The following TRDN variants were observed in gnomAD, a reference collection of about 807,000 sequenced individuals.
TRDN encodes the protein triadin, also known as triadin in skeletal muscle.
TRDN carries 161 observed loss-of-function variants against 149.7 expected under a neutral mutation model. The observed-to-expected ratio is 1.08, with a 90% CI of 0.95 to 1.23. The LOEUF (loss-of-function observed/expected upper bound fraction) is 1.23, where lower values mean the gene tolerates loss of function less well. Among genes scored for constraint, TRDN ranks in the 50% most tolerant of loss-of-function variants. The probability of loss-of-function intolerance (pLI) is 0.00; values close to 1 mark genes in which losing one functional copy is unlikely to be tolerated. For synonymous variants in TRDN, 294 were observed against 250.5 expected (o/e 1.17, Z -1.64); for missense variants, 896 against 823.5 (o/e 1.09, Z -1.08).
intron 21 of TRDN, among the ~76,000 whole-genome samples, chr6:123,340,479 AAAG>A (rs1302246887): frequency 6.6e-6 from 1 of 152,092 alleles, no homozygotes. Flanking sequence ...TAGAACAAAA[AAAG>A]AAAGTGAAAT....
intron 1 of TRDN, among the ~76,000 whole-genome samples, chr6:123,599,974 C>A (rs1417315233): frequency 2.0e-5 from 3 of 151,648 alleles, no homozygotes; most frequent in African/African-American, 7.3e-5. Flanking sequence ...ATTGCAATTG[C>A]CTGTTTATGT....
intron 10 of TRDN, among the ~76,000 whole-genome samples, chr6:123,454,418 T>A (rs1185581687): frequency 6.6e-6 from 1 of 152,214 alleles, no homozygotes; most frequent in East Asian, 1.9e-4. Flanking sequence ...GGAACCACAG[T>A]AATTTCAAGA....
At chr6:123,560,022 T>C (rs1213398683) in intron 2 of TRDN, among the ~76,000 whole-genome samples, 1 of 151,508 alleles carries the variant, frequency 6.6e-6, no homozygotes, top group Non-Finnish European at 1.5e-5. Flanking sequence ...GACTTCAGTC[T>C]AGTCAGAATT....
chr6:123,338,340 G>A lies in TRDN; in HGVS notation c.1370-671C>T, dbSNP rs138857417. Among the ~76,000 whole-genome samples the A allele has an allele frequency of 4.2e-3, 635 of 152,258 alleles. 3 individuals are homozygous for A. The highest frequency in any genetic ancestry group is 9.7e-3 in the African/African-American group (404 of 41,546). ...AGGGCAGATCTATCAGTTTTGCTCC[G>A]TAGGCCATTTACAACCAACAGAAGT... On this transcript the variant is annotated intron_variant, in intron 21 of 40. Coordinates refer to ENST00000334268, the MANE Select transcript of TRDN (RefSeq NM_006073.4).
At chr6:123,236,547 T>C (rs1775795295) in intron 38 of TRDN, among the ~76,000 whole-genome samples, 2 of 152,190 alleles carry the variant, frequency 1.3e-5, no homozygotes, top group Admixed American at 6.6e-5. Flanking sequence ...CAAAGATGTT[T>C]TCTCCTAAAA....
At chr6:123,415,326 C>T (rs1773605776) in intron 12 of TRDN, among the ~76,000 whole-genome samples, 1 of 152,158 alleles carries the variant, frequency 6.6e-6, no homozygotes, top group Non-Finnish European at 1.5e-5. Context: ...GTATTGGATA[C>T]TTGTAATATT....
intron 27 of TRDN, among the ~76,000 whole-genome samples, chr6:123,274,156 C>T (rs1001279073): frequency 7.2e-5 from 11 of 152,058 alleles, no homozygotes; most frequent in Non-Finnish European, 1.3e-4. Flanking sequence ...GTCTGTTTCT[C>T]ATAATGATAT....
At chr6:123,567,036 G>A (rs1782329261) in intron 2 of TRDN, among the ~76,000 whole-genome samples, 1 of 152,152 alleles carries the variant, frequency 6.6e-6, no homozygotes, top group African/African-American at 2.4e-5. Context: ...TTCCATTGGA[G>A]AGCTGCAATT....
chr6:123,601,658 C>T (rs913328935), intron 1 of TRDN, among the ~76,000 whole-genome samples: 12 of 152,144 alleles, frequency 7.9e-5, no homozygotes, highest in Admixed American at 6.6e-5. Flanking sequence ...TGCACACATT[C>T]TCACTTCTTT....
intron 23 of TRDN, among the ~76,000 whole-genome samples, chr6:123,327,410 T>G (rs1448976435): frequency 6.6e-6 from 1 of 152,092 alleles, no homozygotes; most frequent in African/African-American, 2.4e-5. Context: ...ACCGTTGATA[T>G]TTTTTATATG....
At chr6:123,537,817 G>A (rs1252635640) in intron 4 of TRDN, among the ~76,000 whole-genome samples, 1 of 152,126 alleles carries the variant, frequency 6.6e-6, no homozygotes, top group Admixed American at 6.5e-5. Flanking sequence ...ATTTTGTAGT[G>A]ACGTATTTCT....
chr6:123,511,527 T>C (rs1243415111), intron 7 of TRDN, among the ~76,000 whole-genome samples: 1 of 152,208 alleles, frequency 6.6e-6, no homozygotes, highest in Non-Finnish European at 1.5e-5. Context: ...TTTGAGATTT[T>C]AAAATCAAAT....
At chr6:123,270,707 A>T (rs915303714) in intron 30 of TRDN, among the ~76,000 whole-genome samples, 3 of 152,014 alleles carry the variant, frequency 2.0e-5, no homozygotes, top group Admixed American at 6.6e-5. Context: ...CTTTAAAGTT[A>T]TATAACCATA....
intron 1 of TRDN, among the ~76,000 whole-genome samples, chr6:123,620,371 C>G (rs11964728): frequency 0.036 from 5,440 of 152,162 alleles, 288 homozygotes; most frequent in African/African-American, 0.12. Flanking sequence ...CACTGCTGGT[C>G]TGGGGACTAC....
intron 23 of TRDN, among the ~76,000 whole-genome samples, chr6:123,328,158 C>T (rs933029096): frequency 1.2e-4 from 19 of 152,210 alleles, no homozygotes; most frequent in African/African-American, 4.3e-4. Context: ...ACTTGTTCTT[C>T]ATTCCTTCTC....
intron 12 of TRDN, among the ~76,000 whole-genome samples, chr6:123,409,325 C>T (rs1773335811): frequency 6.6e-6 from 1 of 152,154 alleles, no homozygotes; most frequent in Admixed American, 6.5e-5. Flanking sequence ...AGCAACACAG[C>T]TTTCACAGAT....
At chr6:123,274,604 T>C (rs1469657832) in intron 27 of TRDN, 37 bp downstream of exon 27, 1 of 1,571,632 alleles carries the variant, frequency 6.4e-7, no homozygotes, top group South Asian at 1.2e-5. Flanking sequence ...AAAGATAATG[T>C]CAACTCTGAA....
At chr6:123,432,232 A>T (rs1340555155) in intron 12 of TRDN, among the ~76,000 whole-genome samples, 2 of 152,162 alleles carry the variant, frequency 1.3e-5, no homozygotes, top group Non-Finnish European at 2.9e-5. Flanking sequence ...GACATTTTGG[A>T]TATATCTTTT....
chr6:123,302,911 C>T (rs544555889), intron 24 of TRDN, among the ~76,000 whole-genome samples: 1 of 152,176 alleles, frequency 6.6e-6, no homozygotes, highest in East Asian at 1.9e-4. Context: ...TAAATAGTAA[C>T]TGTATAGATT....
Sources: gnomAD v4.1 joint callset for allele counts (sites outside exome capture counted in the v4.1 genomes callset) on GRCh38, gnomAD v4.1.1 for gene constraint, MANE v1.5 for transcripts, NCBI Gene and HGNC (gene_info 2026-07-23, HGNC 2026-07-21) for gene names.